Variants in TBC1D22A observed in about 807,000 individuals in gnomAD.
TBC1D22A encodes the protein TBC1 domain family member 22A, also known as putative GTPase activator.
Under a neutral mutation model 60.2 loss-of-function variants are expected in TBC1D22A, and 38 were observed. The observed-to-expected ratio is 0.63, with a 90% CI of 0.49 to 0.83. The LOEUF is 0.83. Ranked by LOEUF, TBC1D22A falls within the 40% of genes least tolerant of loss-of-function variation. The pLI is 0.00. For synonymous variants in TBC1D22A, 302 were observed against 281.7 expected, an observed-to-expected ratio of 1.07 and a Z score of -0.72; for missense variants, 628 against 701.0, an observed-to-expected ratio of 0.90 and a Z score of 1.18.
At chr22:46,823,832 C>T (rs759536815) in intron 4 of TBC1D22A, among the ~76,000 whole-genome samples, 3 of 152,196 alleles carry the variant, frequency 2.0e-5, no homozygotes, top group Non-Finnish European at 4.4e-5. Flanking sequence ...GCCGGGAGTG[C>T]GGCCGTGACC....
chr22:46,849,786 C>T (rs751830126), intron 4 of TBC1D22A, among the ~76,000 whole-genome samples: 10 of 152,204 alleles, frequency 6.6e-5, no homozygotes, highest in South Asian at 2.1e-4. Context: ...TGCCGTGCTC[C>T]GTGACTGTCG....
intron 4 of TBC1D22A, among the ~76,000 whole-genome samples, chr22:46,854,427 A>G (rs965387423): frequency 3.3e-5 from 5 of 150,474 alleles, no homozygotes; most frequent in African/African-American, 1.2e-4. Context: ...ACCCCTCTCC[A>G]CTTCCTGTTT....
At chr22:46,973,787 A>G (rs553170804) in intron 8 of TBC1D22A, among the ~76,000 whole-genome samples, 3 of 152,300 alleles carry the variant, frequency 2.0e-5, no homozygotes, top group South Asian at 2.1e-4. Flanking sequence ...TGTCTGTTCT[A>G]TCTTTGACGC....
At chr22:46,845,780 G>A (rs1344671631) in intron 4 of TBC1D22A, among the ~76,000 whole-genome samples, 2 of 152,210 alleles carry the variant, frequency 1.3e-5, no homozygotes, top group Non-Finnish European at 2.9e-5. Flanking sequence ...AAAATATTAG[G>A]CTCTTTTATT....
intron 4 of TBC1D22A, among the ~76,000 whole-genome samples, chr22:46,869,048 C>A (rs536889135): frequency 2.0e-5 from 3 of 152,194 alleles, no homozygotes; most frequent in African/African-American, 7.2e-5. Context: ...TTATCTGCGC[C>A]GCTCCGCTGC....
chr22:46,803,699 G>T (rs1327230582), intron 4 of TBC1D22A, among the ~76,000 whole-genome samples: 1 of 152,242 alleles, frequency 6.6e-6, no homozygotes, highest in African/African-American at 2.4e-5. Flanking sequence ...GGACGAAGAT[G>T]AAAGCTCTGG....
intron 8 of TBC1D22A, among the ~76,000 whole-genome samples, chr22:46,942,135 A>G (rs1330672506): frequency 1.3e-4 from 20 of 151,746 alleles, no homozygotes; most frequent in Admixed American, 1.3e-3. Context: ...GGCTGGGGGC[A>G]CCAGCATACA....
intron 10 of TBC1D22A, among the ~76,000 whole-genome samples, chr22:47,029,662 G>A (rs1008783172): frequency 5.3e-5 from 8 of 152,240 alleles, no homozygotes; most frequent in Non-Finnish European, 7.3e-5. Context: ...GGCGGGGATG[G>A]CAGGAGCCCT....
intron 11 of TBC1D22A, among the ~76,000 whole-genome samples, chr22:47,095,161 C>G (rs1202739852): frequency 1.3e-5 from 2 of 152,222 alleles, no homozygotes; most frequent in Admixed American, 6.5e-5. Flanking sequence ...ACACAGTGGT[C>G]TGGTGATGAA....
chr22:47,169,832 T>C (rs1396282613), intron 12 of TBC1D22A, among the ~76,000 whole-genome samples: 2 of 152,216 alleles, frequency 1.3e-5, no homozygotes, highest in East Asian at 3.9e-4. Context: ...TATGGAAAAG[T>C]TAAGAATGAA....
intron 8 of TBC1D22A, among the ~76,000 whole-genome samples, chr22:46,928,762 A>G (rs1007030612): frequency 6.6e-6 from 1 of 152,218 alleles, no homozygotes. Context: ...TTGAATAGAT[A>G]TTTCTCCAGA....
chr22:47,085,298 T>A (rs1333418047), intron 11 of TBC1D22A, among the ~76,000 whole-genome samples: 3 of 152,200 alleles, frequency 2.0e-5, no homozygotes, highest in Admixed American at 2.0e-4. Context: ...ATACATATAT[T>A]GATATTAACT....
intron 11 of TBC1D22A, among the ~76,000 whole-genome samples, chr22:47,089,633 G>A (rs968334509): frequency 4.1e-4 from 62 of 152,338 alleles, no homozygotes; most frequent in African/African-American, 1.5e-3. Flanking sequence ...TGGGAAGCTG[G>A]AGGTGACAAG....
At chr22:46,886,826 T>C (rs1258219441) in intron 5 of TBC1D22A, among the ~76,000 whole-genome samples, 1 of 152,210 alleles carries the variant, frequency 6.6e-6, no homozygotes, top group African/African-American at 2.4e-5. Context: ...TCCACTGTGC[T>C]GCGATAGGGC....
chr22:46,924,796 C>T (rs1322654218), intron 8 of TBC1D22A, among the ~76,000 whole-genome samples: 1 of 151,916 alleles, frequency 6.6e-6, no homozygotes, highest in African/African-American at 2.4e-5. Flanking sequence ...AAGTCAGATT[C>T]TTAAAGTATA....
At chr22:47,014,540 C>G (rs985174191) in intron 10 of TBC1D22A, among the ~76,000 whole-genome samples, 1 of 152,200 alleles carries the variant, frequency 6.6e-6, no homozygotes, top group Non-Finnish European at 1.5e-5. Flanking sequence ...GCTCACTGCT[C>G]GTTAAGCCTA....
At chr22:47,114,668 T>C (rs2147734912) in intron 12 of TBC1D22A, among the ~76,000 whole-genome samples, 2 of 152,200 alleles carry the variant, frequency 1.3e-5, no homozygotes, top group Middle Eastern at 6.8e-3. Context: ...CAGTGGAACG[T>C]TGGTGGAAAG....
intron 1 of TBC1D22A, among the ~76,000 whole-genome samples, chr22:46,785,813 C>G (rs867666400): frequency 2.0e-5 from 3 of 152,174 alleles, no homozygotes; most frequent in Admixed American, 6.5e-5. Flanking sequence ...TGCTCTGTTG[C>G]CCAGGCTAGA....
At chr22:46,870,045 G>A (rs1186336687) in intron 4 of TBC1D22A, among the ~76,000 whole-genome samples, 1 of 152,190 alleles carries the variant, frequency 6.6e-6, no homozygotes, top group Non-Finnish European at 1.5e-5. Flanking sequence ...TAACAGAAGC[G>A]TGCTCTTGGA....
Sources: allele counts gnomAD v4.1 joint callset (sites outside exome capture counted in the v4.1 genomes callset), GRCh38; gene constraint gnomAD v4.1.1; transcripts MANE v1.5; gene names NCBI Gene and HGNC (gene_info 2026-07-23, HGNC 2026-07-21).